The following STPG2 variants were observed in gnomAD, a reference collection of about 807,000 sequenced individuals.
STPG2 encodes sperm-tail PG-rich repeat-containing protein 2.
STPG2 carries 56 observed loss-of-function variants against 54.2 expected under a neutral mutation model. The observed-to-expected ratio is 1.03, with a 90% CI of 0.83 to 1.29. The LOEUF (loss-of-function observed/expected upper bound fraction) is 1.29, where lower values mean the gene tolerates loss of function less well. STPG2 is among the 50% of genes most tolerant of loss of function. The pLI is 0.00. For synonymous variants in STPG2, 200 were observed against 181.8 expected, an observed-to-expected ratio of 1.10 and a Z score of -0.81; for missense variants, 596 against 544.9, an observed-to-expected ratio of 1.09 and a Z score of -0.93.
intron 8 of STPG2, among the ~76,000 whole-genome samples, chr4:97,889,454 C>T (rs540305188): frequency 1.3e-5 from 2 of 151,990 alleles, no homozygotes; most frequent in Non-Finnish European, 2.9e-5. Flanking sequence ...AAAGAAAGTG[C>T]GGTATATATA....
intron 2 of STPG2, among the ~76,000 whole-genome samples, chr4:98,133,466 C>G (rs141412949): frequency 6.6e-6 from 1 of 151,962 alleles, no homozygotes; most frequent in Non-Finnish European, 1.5e-5. Flanking sequence ...ACCAAGGAGG[C>G]CTTCTTTTAA....
At chr4:97,539,327 A>G (rs557473252) in intron 4 of STPG2, among the ~76,000 whole-genome samples, 1 of 152,334 alleles carries the variant, frequency 6.6e-6, no homozygotes, top group South Asian at 2.1e-4. Flanking sequence ...AGACAGGCTC[A>G]AAAGAAAGGG....
intron 4 of STPG2, among the ~76,000 whole-genome samples, chr4:97,487,067 T>C (rs1730384602): frequency 6.6e-6 from 1 of 151,172 alleles, no homozygotes; most frequent in Non-Finnish European, 1.5e-5. Context: ...GTCATAAGAA[T>C]GATACAATGG....
chr4:97,854,089 G>T (rs1384177236), intron 8 of STPG2, among the ~76,000 whole-genome samples: 1 of 152,138 alleles, frequency 6.6e-6, no homozygotes, highest in Non-Finnish European at 1.5e-5. Context: ...GTTTGCCAAA[G>T]TGCTGGGATT....
intron 5 of STPG2, among the ~76,000 whole-genome samples, chr4:98,022,127 A>T (rs1395905045): frequency 1.3e-5 from 2 of 151,960 alleles, no homozygotes; most frequent in East Asian, 3.9e-4. Flanking sequence ...GGTCTTTACA[A>T]TTTGGCATGT....
chr4:97,542,678 T>A (rs1025420024), intron 4 of STPG2, among the ~76,000 whole-genome samples: 1 of 152,332 alleles, frequency 6.6e-6, no homozygotes, highest in South Asian at 2.1e-4. Context: ...CACGTATGTT[T>A]ATTGTGGCAC....
At chr4:97,896,475 G>A (rs1362709084) in intron 8 of STPG2, among the ~76,000 whole-genome samples, 2 of 151,666 alleles carry the variant, frequency 1.3e-5, no homozygotes, top group African/African-American at 4.8e-5. Flanking sequence ...TTTGCAAAAA[G>A]CACTACATAA....
At chr4:97,668,139 G>A (rs1389281914) in intron 10 of STPG2, among the ~76,000 whole-genome samples, 1 of 152,104 alleles carries the variant, frequency 6.6e-6, no homozygotes, top group Non-Finnish European at 1.5e-5. Flanking sequence ...TATATAATGA[G>A]TATTTAAGGA....
At chr4:97,729,479 A>T (rs1012730130) in intron 9 of STPG2, among the ~76,000 whole-genome samples, 16 of 152,130 alleles carry the variant, frequency 1.1e-4, no homozygotes, top group Non-Finnish European at 2.2e-4. Flanking sequence ...AATCAGATTA[A>T]TTTTGTCAAC....
intron 8 of STPG2, among the ~76,000 whole-genome samples, chr4:97,932,849 T>C (rs1732602504): frequency 6.6e-6 from 1 of 152,210 alleles, no homozygotes; most frequent in Non-Finnish European, 1.5e-5. Flanking sequence ...ATCTTTATAA[T>C]AGAATTATTT....
chr4:97,900,968 C>T (rs1211237425), intron 8 of STPG2, among the ~76,000 whole-genome samples: 1 of 151,590 alleles, frequency 6.6e-6, no homozygotes, highest in Non-Finnish European at 1.5e-5. Flanking sequence ...AACCTTTAAA[C>T]TTTCTTATTT....
At chr4:97,911,265 C>CT (rs1194545208) in intron 8 of STPG2, among the ~76,000 whole-genome samples, 2 of 152,204 alleles carry the variant, frequency 1.3e-5, no homozygotes, top group Non-Finnish European at 2.9e-5. Flanking sequence ...TTGCATACTC[C>CT]GTGCCTGGGA....
intron 4 of STPG2, among the ~76,000 whole-genome samples, chr4:97,547,142 A>T (rs1312627137): frequency 1.3e-5 from 2 of 152,204 alleles, no homozygotes; most frequent in Non-Finnish European, 2.9e-5. Flanking sequence ...AAAGGGCTAG[A>T]GAGATAAACC....
intron 9 of STPG2, among the ~76,000 whole-genome samples, chr4:97,807,774 G>A (rs1337845942): frequency 6.6e-6 from 1 of 151,790 alleles, no homozygotes; most frequent in African/African-American, 2.4e-5. Context: ...AATACATCAA[G>A]ACACAGACTC....
rs1316335638 is a variant in STPG2 at position 97,638,292 on chromosome 4, T to A, written c.1320+74407A>T. ...GTACTGGGAAAACTGGCTAGCCATA[T>A]GTAGAAAGCTGAAACTGGATCCCTT... On this transcript the variant is annotated intron_variant, in intron 10 of 10. Transcript: ENST00000295268. Among the ~76,000 whole-genome samples the A allele has an allele frequency of 3.3e-5, 5 of 152,292 alleles. No individual in the cohort carries two copies. In the East Asian group the frequency reaches 9.6e-4, roughly 29 times the overall value.
rs567365410 is a variant in STPG2, at chr4:97,943,311, A to G, written c.1044+586T>C. 8.5e-4 allele frequency among the ~76,000 whole-genome samples: 130 copies of G among 152,222 alleles called. 1 individual carries two copies. Among genetic ancestry groups the G allele is most frequent in the African/African-American group, 3.1e-3 (128 of 41,532 alleles). The stretch of plus-strand genomic sequence containing the variant: ...ACATTTAGACTCTAGCAACATTATC[A>G]CTGGGTCCAACTTTTTAACTCTAAA... On this transcript the variant is annotated intron_variant, in intron 8 of 10. Coordinates refer to ENST00000295268, the MANE Select transcript of STPG2 (RefSeq NM_174952.3).
intron 8 of STPG2, among the ~76,000 whole-genome samples, chr4:97,899,116 C>A (rs527259662): frequency 1.3e-5 from 2 of 151,852 alleles, no homozygotes; most frequent in Admixed American, 1.3e-4. Context: ...TAAACAACTA[C>A]ACCAAACTTT....
intron 9 of STPG2, among the ~76,000 whole-genome samples, chr4:97,764,231 C>T (rs535866130): frequency 1.3e-5 from 2 of 151,840 alleles, no homozygotes; most frequent in African/African-American, 4.8e-5. Context: ...ATGGAACTTG[C>T]CTAGGGTGGA....
intron 4 of STPG2, among the ~76,000 whole-genome samples, chr4:97,453,326 A>G (rs1729426693): frequency 6.6e-6 from 1 of 152,228 alleles, no homozygotes; most frequent in Non-Finnish European, 1.5e-5. Context: ...CTGACTGTGC[A>G]GTATCTGGAC....
Sources: allele counts gnomAD v4.1 joint callset (sites outside exome capture counted in the v4.1 genomes callset), GRCh38; gene constraint gnomAD v4.1.1; transcripts MANE v1.5; gene names NCBI Gene and HGNC (gene_info 2026-07-23, HGNC 2026-07-21).